The following SSBP3 variants were observed in gnomAD, a reference collection of about 807,000 sequenced individuals.
SSBP3 encodes the protein single stranded DNA binding protein 3, also known as single-stranded DNA-binding protein 3.
In SSBP3, 5 loss-of-function variants were observed where a neutral mutation model predicts 69.6. That is an observed-to-expected ratio of 0.07 (90% CI 0.04 to 0.15). SSBP3 has a LOEUF of 0.15. Among genes scored for constraint, SSBP3 ranks in the 10% least tolerant of loss-of-function variants. SSBP3 has a pLI of 1.00. For synonymous variants in SSBP3, 196 were observed against 193.4 expected (o/e 1.01, Z -0.11); for missense variants, 312 against 534.0 (o/e 0.58, Z 4.10).
intron 4 of SSBP3, among the ~76,000 whole-genome samples, chr1:54,371,497 G>A (rs772057250): frequency 2.6e-5 from 4 of 152,156 alleles, no homozygotes; most frequent in African/African-American, 4.8e-5. Flanking sequence ...ACTGTGACAC[G>A]GGCACAGGAA....
intron 4 of SSBP3, among the ~76,000 whole-genome samples, chr1:54,351,841 C>A (rs539349224): frequency 6.6e-6 from 1 of 152,192 alleles, no homozygotes; most frequent in Non-Finnish European, 1.5e-5. Context: ...ACTCCTGACT[C>A]GATCTGGCCC....
At position 54,377,379 on chromosome 1, in the gene SSBP3, C is replaced by T. The variant is rs1647281652; in HGVS notation, c.276+24482G>A. On this transcript the variant is annotated intron_variant, in intron 4 of 17. Coordinates refer to ENST00000610401, the Ensembl canonical transcript of SSBP3. ...CAGTGTGCTGAGTGCTGAGTGTATA[C>T]AGGCCACTGGGCACACACACTGAAT... Among the ~76,000 whole-genome samples the T allele has an allele frequency of 1.3e-5, 2 of 152,236 alleles. 1 individual carries two copies. The highest frequency in any genetic ancestry group is 4.1e-4 in the South Asian group (2 of 4,836).
chr1:54,240,941 C>A, exon 13 of SSBP3: 2 of 1,610,788 alleles, frequency 1.2e-6, no homozygotes, highest in Non-Finnish European at 1.7e-6. Flanking sequence ...CCTGGAGGAC[C>A]GCCACCACCA....
chr1:54,339,373 T>C (rs988263026), intron 4 of SSBP3, among the ~76,000 whole-genome samples: 2 of 152,168 alleles, frequency 1.3e-5, no homozygotes, highest in African/African-American at 4.8e-5. Flanking sequence ...CAGCTAATGG[T>C]TAGAAGCGTG....
intron 4 of SSBP3, among the ~76,000 whole-genome samples, chr1:54,362,478 A>G (rs559457768): frequency 1.4e-4 from 21 of 152,362 alleles, no homozygotes; most frequent in Non-Finnish European, 2.5e-4. Context: ...ATGGGATCAG[A>G]GGTACCCAGG....
chr1:54,311,875 G>A (rs1646009455), intron 4 of SSBP3, among the ~76,000 whole-genome samples: 1 of 152,106 alleles, frequency 6.6e-6, no homozygotes, highest in African/African-American at 2.4e-5. Context: ...CACAGTTCTG[G>A]GGACTCCTTG....
chr1:54,344,856 G>C (rs1377585666), intron 4 of SSBP3, among the ~76,000 whole-genome samples: 1 of 152,148 alleles, frequency 6.6e-6, no homozygotes, highest in Non-Finnish European at 1.5e-5. Context: ...AAATTAAAAA[G>C]AAAGAAATTA....
intron 4 of SSBP3, among the ~76,000 whole-genome samples, chr1:54,301,267 A>C (rs1645796085): frequency 6.6e-6 from 1 of 152,234 alleles, no homozygotes; most frequent in Non-Finnish European, 1.5e-5. Flanking sequence ...GGAAGGAATT[A>C]ATGCCCATTC....
At chr1:54,405,633 G>C (rs1009480787) in intron 1 of SSBP3, 6 of 155,326 alleles carry the variant, frequency 3.9e-5, no homozygotes, top group Non-Finnish European at 7.1e-5. Flanking sequence ...GGAGAACGTC[G>C]AGGCTCGCTG....
chr1:54,387,613 ATAACC>A (rs1380020440), intron 4 of SSBP3, among the ~76,000 whole-genome samples: 1 of 152,250 alleles, frequency 6.6e-6, no homozygotes, highest in Non-Finnish European at 1.5e-5. Context: ...CTTTCTCTTA[ATAACC>A]TAACCAGCAT....
intron 4 of SSBP3, among the ~76,000 whole-genome samples, chr1:54,288,488 G>A (rs1645532826): frequency 6.6e-6 from 1 of 151,012 alleles, no homozygotes; most frequent in South Asian, 2.1e-4. Context: ...ATTTTACTAA[G>A]TCCCAGCTCA....
At chr1:54,382,058 G>T (rs781602329) in intron 4 of SSBP3, among the ~76,000 whole-genome samples, 1 of 152,192 alleles carries the variant, frequency 6.6e-6, no homozygotes, top group Non-Finnish European at 1.5e-5. Flanking sequence ...GCTGAGCATG[G>T]TGGCAGGCAC....
chr1:54,263,256 A>G (rs760024014), intron 5 of SSBP3, among the ~76,000 whole-genome samples: 2 of 152,202 alleles, frequency 1.3e-5, no homozygotes, highest in Non-Finnish European at 2.9e-5. Flanking sequence ...GCATTTCAGA[A>G]GCATCAGCAG....
At chr1:54,336,821 C>A (rs894237005) in intron 4 of SSBP3, among the ~76,000 whole-genome samples, 1 of 152,184 alleles carries the variant, frequency 6.6e-6, no homozygotes, top group Non-Finnish European at 1.5e-5. Flanking sequence ...AGAAGGCACA[C>A]GTTAGGTCAG....
intron 4 of SSBP3, among the ~76,000 whole-genome samples, chr1:54,298,138 T>C (rs921969154): frequency 6.6e-6 from 1 of 152,158 alleles, no homozygotes. Flanking sequence ...CCAGATTTAA[T>C]TGGCCTCTTG....
chr1:54,392,506 G>T (rs190444441), intron 4 of SSBP3, among the ~76,000 whole-genome samples: 1 of 152,228 alleles, frequency 6.6e-6, no homozygotes, highest in Non-Finnish European at 1.5e-5. Context: ...TTTACTCTGT[G>T]TAATACGGTT....
intron 4 of SSBP3, among the ~76,000 whole-genome samples, chr1:54,376,851 C>T (rs550016847): frequency 9.9e-5 from 15 of 152,230 alleles, no homozygotes; most frequent in African/African-American, 3.6e-4. Flanking sequence ...AGTTTCTGTC[C>T]CAACTGAGGC....
At chr1:54,332,771 C>T (rs1453482887) in intron 4 of SSBP3, among the ~76,000 whole-genome samples, 2 of 152,166 alleles carry the variant, frequency 1.3e-5, no homozygotes, top group Non-Finnish European at 2.9e-5. Flanking sequence ...CCTTGTCCCA[C>T]AGCCAAAGCT....
intron 4 of SSBP3, among the ~76,000 whole-genome samples, chr1:54,304,675 G>T (rs1362275237): frequency 6.6e-6 from 1 of 152,184 alleles, no homozygotes; most frequent in Non-Finnish European, 1.5e-5. Context: ...CAGTCCAGCG[G>T]GGTCACTGGA....
Sources: gnomAD v4.1 joint callset for allele counts (sites outside exome capture counted in the v4.1 genomes callset) on GRCh38, gnomAD v4.1.1 for gene constraint, MANE v1.5 for transcripts, NCBI Gene and HGNC (gene_info 2026-07-23, HGNC 2026-07-21) for gene names.